The following DSCAM variants were observed in gnomAD, a reference collection of about 807,000 sequenced individuals.
The protein encoded by DSCAM is DS cell adhesion molecule.
DSCAM carries 47 observed loss-of-function variants against 217.7 expected under a neutral mutation model. The ratio of observed to expected loss-of-function variants is 0.22; its 90% confidence interval spans 0.17 to 0.28. The LOEUF (loss-of-function observed/expected upper bound fraction) is 0.28. Among genes scored for constraint, DSCAM ranks in the 10% least tolerant of loss-of-function variants. DSCAM has a pLI of 1.00. For synonymous variants in DSCAM, 1,056 were observed against 1,015.3 expected (o/e 1.04, Z -0.76); for missense variants, 2,080 against 2,618.3 (o/e 0.79, Z 4.49).
At chr21:40,810,236 A>C (rs2091826225) in intron 1 of DSCAM, among the ~76,000 whole-genome samples, 1 of 152,220 alleles carries the variant, frequency 6.6e-6, no homozygotes, top group Admixed American at 6.5e-5. Flanking sequence ...CCCTCTCAGA[A>C]GTTCCTGAGG....
chr21:40,542,211 AAATG>A (rs1273264122), intron 3 of DSCAM, among the ~76,000 whole-genome samples: 3 of 152,242 alleles, frequency 2.0e-5, no homozygotes, highest in African/African-American at 7.2e-5. Context: ...CAATCTCAAA[AAATG>A]AATGTTCAGT....
chr21:40,837,307 G>A (rs928227763), intron 1 of DSCAM, among the ~76,000 whole-genome samples: 2 of 152,136 alleles, frequency 1.3e-5, no homozygotes, highest in Non-Finnish European at 2.9e-5. Context: ...GAGGTATGGG[G>A]GAGAGTGTGG....
chr21:40,393,142 C>T (rs761102439), intron 3 of DSCAM, among the ~76,000 whole-genome samples: 2 of 152,138 alleles, frequency 1.3e-5, no homozygotes, highest in Non-Finnish European at 2.9e-5. Flanking sequence ...AGAATGCCCT[C>T]AAATCTAAAG....
intron 3 of DSCAM, among the ~76,000 whole-genome samples, chr21:40,427,775 G>A (rs549603765): frequency 1.3e-5 from 2 of 152,330 alleles, no homozygotes; most frequent in South Asian, 4.1e-4. Context: ...CTATGCTCAC[G>A]GCTGCCTGCC....
chr21:40,545,131 T>C (rs985642880), intron 3 of DSCAM, among the ~76,000 whole-genome samples: 1 of 152,158 alleles, frequency 6.6e-6, no homozygotes, highest in African/African-American at 2.4e-5. Context: ...GTTCTGTCCT[T>C]CTGCTCTGTG....
intron 1 of DSCAM, among the ~76,000 whole-genome samples, chr21:40,709,171 T>C (rs187183861): frequency 9.9e-5 from 15 of 152,264 alleles, no homozygotes; most frequent in Admixed American, 2.0e-4. Flanking sequence ...CACTATTACC[T>C]GGAGCATAGA....
Position 40,760,170 on chromosome 21 carries a change from T to A in DSCAM, c.44-51399A>T, listed in dbSNP as rs578094086. On this transcript the variant is annotated intron_variant, in intron 1 of 32. Coordinates refer to ENST00000400454, the MANE Select transcript of DSCAM (RefSeq NM_001389.5). The stretch of plus-strand genomic sequence containing the variant: ...CACCACACCCAGCTAATTTTTGAAA[T>A]TTTTTTTCATTTTTATTGTTTTTAG... Among the ~76,000 whole-genome samples the A allele has an allele frequency of 5.3e-5, 8 of 151,684 alleles. No individual in the cohort carries two copies. In the South Asian group the frequency reaches 1.0e-3, roughly 20 times the overall value.
At chr21:40,793,779 C>T (rs540364207) in intron 1 of DSCAM, among the ~76,000 whole-genome samples, 4 of 152,126 alleles carry the variant, frequency 2.6e-5, no homozygotes, top group Non-Finnish European at 4.4e-5. Flanking sequence ...GCATGAGCCA[C>T]GATGCCTGGA....
Position 40,795,529 on chromosome 21 carries a change from C to T in DSCAM, c.43+51090G>A, listed in dbSNP as rs547995575. Reference sequence around the variant, plus strand: ...GCAATTAGATAACAGTGAATGAGGGCGTCTATGAAGAGTGTACTCACAAAC... The same window carrying T: ...GCAATTAGATAACAGTGAATGAGGGTGTCTATGAAGAGTGTACTCACAAAC... On this transcript the variant is annotated intron_variant, in intron 1 of 32. Coordinates refer to ENST00000400454, the MANE Select transcript of DSCAM (RefSeq NM_001389.5). Among the ~76,000 whole-genome samples, 9 of 152,260 alleles carry T rather than the reference C, an allele frequency of 5.9e-5. No homozygotes were observed. In the South Asian group the frequency reaches 1.7e-3, roughly 28 times the overall value.
chr21:40,714,114 T>A (rs1415268651), intron 1 of DSCAM, among the ~76,000 whole-genome samples: 1 of 152,112 alleles, frequency 6.6e-6, no homozygotes, highest in Non-Finnish European at 1.5e-5. Context: ...TTCAAAGACT[T>A]CCCAGAAAGC....
chr21:40,306,372 A>G (rs1423017991), intron 9 of DSCAM, among the ~76,000 whole-genome samples: 1 of 151,340 alleles, frequency 6.6e-6, no homozygotes, highest in Non-Finnish European at 1.5e-5. Flanking sequence ...TAGATATACA[A>G]TCATGTCATC....
intron 16 of DSCAM, among the ~76,000 whole-genome samples, chr21:40,149,844 C>T (rs967119811): frequency 1.3e-5 from 2 of 150,676 alleles, no homozygotes; most frequent in African/African-American, 4.9e-5. Context: ...ACTGTCACCA[C>T]AACATCCATC....
At chr21:40,675,787 T>C (rs564489129) in intron 3 of DSCAM, among the ~76,000 whole-genome samples, 1 of 152,366 alleles carries the variant, frequency 6.6e-6, no homozygotes, top group South Asian at 2.1e-4. Flanking sequence ...TTGAATATCC[T>C]TGCTGTTACA....
chr21:40,303,790 C>A (rs1034540865), intron 9 of DSCAM, among the ~76,000 whole-genome samples: 13 of 152,162 alleles, frequency 8.5e-5, no homozygotes, highest in Admixed American at 5.9e-4. Context: ...TTCCTGTCAA[C>A]TGACAGTCAA....
chr21:40,749,784 C>T (rs1041442), intron 1 of DSCAM, among the ~76,000 whole-genome samples: 3 of 152,142 alleles, frequency 2.0e-5, no homozygotes, highest in Non-Finnish European at 4.4e-5. Flanking sequence ...CATGTTTACT[C>T]CAGCGCTGTT....
At chr21:40,113,316 T>C (rs948110476) in intron 20 of DSCAM, among the ~76,000 whole-genome samples, 1 of 152,106 alleles carries the variant, frequency 6.6e-6, no homozygotes, top group African/African-American at 2.4e-5. Flanking sequence ...AAAAACCACA[T>C]GATTATCTCA....
At chr21:40,756,007 T>A (rs2091272084) in intron 1 of DSCAM, among the ~76,000 whole-genome samples, 1 of 152,232 alleles carries the variant, frequency 6.6e-6, no homozygotes, top group Admixed American at 6.5e-5. Flanking sequence ...GCTTTATGCA[T>A]GTCACTGTAT....
chr21:40,195,008 C>G (rs1057289813), intron 11 of DSCAM, among the ~76,000 whole-genome samples: 2 of 152,082 alleles, frequency 1.3e-5, no homozygotes, highest in Non-Finnish European at 2.9e-5. Flanking sequence ...TCCCATCGTA[C>G]AAGAGATACT....
intron 20 of DSCAM, among the ~76,000 whole-genome samples, chr21:40,122,239 T>G (rs2090043201): frequency 6.6e-6 from 1 of 152,154 alleles, no homozygotes; most frequent in Admixed American, 6.6e-5. Flanking sequence ...GCTTTCTCAG[T>G]AAGCATCAGT....
Sources: allele counts gnomAD v4.1 joint callset (sites outside exome capture counted in the v4.1 genomes callset), GRCh38; gene constraint gnomAD v4.1.1; transcripts MANE v1.5; gene names NCBI Gene and HGNC (gene_info 2026-07-23, HGNC 2026-07-21).